PNPLA6: variants seen among roughly 807,000 people sequenced by gnomAD.
PNPLA6 encodes the protein patatin like domain 6, lysophospholipase.
PNPLA6 carries 105 observed loss-of-function variants against 153.7 expected under a neutral mutation model. The observed-to-expected ratio is 0.68, with a 90% CI of 0.58 to 0.80. The LOEUF (loss-of-function observed/expected upper bound fraction) is 0.80, where lower values mean the gene tolerates loss of function less well. Among genes scored for constraint, PNPLA6 ranks in the 30% least tolerant of loss-of-function variants. The pLI is 0.00. For synonymous variants in PNPLA6, 825 were observed against 822.2 expected (o/e 1.00, Z -0.06); for missense variants, 1,423 against 1,919.3 (o/e 0.74, Z 4.83).
Position 7,541,727 on chromosome 19 carries a change from A to T in PNPLA6, c.1168+43A>T. On this transcript the variant is annotated intron_variant, in intron 9 of 31. Coordinates refer to ENST00000600737, the MANE Select transcript of PNPLA6 (RefSeq NM_001166114.2). This position sits in a 1 kb window ranked among gnomAD's most constrained non-coding sequence, Gnocchi z 5.2. The stretch of plus-strand genomic sequence containing the variant: ...GCCAGCCGAGCCCAATCTCCCAGGA[A>T]GCCCCGTCTCAGCCGCCAGCCCCTT... The T allele has an allele frequency of 6.5e-7, 1 of 1,544,110 alleles. No individual in the cohort carries two copies. The highest frequency in any genetic ancestry group is 8.7e-7 in the Non-Finnish European group (1 of 1,147,698).
At position 7,553,785 on chromosome 19, in the gene PNPLA6, TAAGGAGGAAGAGGAAGAA is replaced by T; in HGVS notation, c.2261-89_2261-72del. On this transcript the variant is annotated intron_variant, in intron 18 of 31. Coordinates refer to ENST00000600737, the MANE Select transcript of PNPLA6 (RefSeq NM_001166114.2). ...GGAGCACAGGAGCAAGAATTTCAGATAAGGAGGAAGAGGAAGAAGAGGAGGAGGAGGGTTCATCTCTCT... is the reference window on the plus strand; with the variant it reads ...GGAGCACAGGAGCAAGAATTTCAGATGAGGAGGAGGAGGGTTCATCTCTCT... 3 of 1,542,336 alleles carry T rather than the reference TAAGGAGGAAGAGGAAGAA, an allele frequency of 1.9e-6. 1 individual carries two copies. The South Asian group carries it at 3.4e-5, about 17-fold the overall frequency.
rs560309764 is a variant in PNPLA6, at chr19:7,555,732, G to C, written c.3062G>C (p.Arg1021Pro). 1 of 1,613,744 alleles carries C rather than the reference G, an allele frequency of 6.2e-7. No individual in the cohort carries two copies. The highest frequency in any genetic ancestry group is 1.3e-5 in the African/African-American group (1 of 75,034). Reference sequence around the variant, plus strand: ...TACGCGGAGGAGCGCAGCGCCAGCCGCACGAAGCAGCGGGCCCGGGAGTGG... The same window carrying C: ...TACGCGGAGGAGCGCAGCGCCAGCCCCACGAAGCAGCGGGCCCGGGAGTGG... ...ALYAEERSAS[R>P]TKQRAREWAK... The change falls in exon 24 of 32, where the codon CGC becomes CCC. Residue 1021 changes from arginine to proline, a missense_variant. Physicochemically the swap from Arg to Pro is moderately radical, Grantham distance 103. Coordinates refer to ENST00000600737, the MANE Select transcript of PNPLA6 (RefSeq NM_001166114.2). The surrounding 1 kb of genome is among the most constrained non-coding windows in gnomAD (Gnocchi z 6.3).
chr19:7,551,197 G>T (rs1235189613), intron 17 of PNPLA6, 90 bp downstream of exon 17: 4 of 987,078 alleles, frequency 4.1e-6, no homozygotes, highest in East Asian at 2.6e-5. Context: ...GGCTTACAGA[G>T]GGGCGGGGTC....
chr19:7,556,053 C>CTTTT (rs33951220), intron 24 of PNPLA6, among the ~76,000 whole-genome samples: 1 of 60,316 alleles, frequency 1.7e-5, no homozygotes, highest in African/African-American at 6.7e-5. Flanking sequence ...CTAAGTGTTC[C>CTTTT]TTTTTTTTTT....
chr19:7,554,050 G>C (rs10424680), intron 19 of PNPLA6, 35 bp downstream of exon 19: 2 of 1,603,752 alleles, frequency 1.2e-6, no homozygotes, highest in Non-Finnish European at 1.7e-6. Context: ...GGGGGCTGGC[G>C]GTGGGTGGGA....
intron 17 of PNPLA6, 66 bp downstream of exon 17, chr19:7,551,173 T>A: frequency 9.6e-7 from 1 of 1,039,342 alleles, no homozygotes; most frequent in East Asian, 2.7e-5. Flanking sequence ...GGGCCGGGCC[T>A]AGTGTGTGGG....
intron 16 of PNPLA6, 40 bp downstream of exon 16, chr19:7,550,680 A>C: frequency 6.2e-7 from 1 of 1,606,718 alleles, no homozygotes; most frequent in Non-Finnish European, 8.5e-7. Context: ...GGCCTTTTCC[A>C]GGCCAGTCCC....
At chr19:7,549,428 C>T (rs1328303254) in intron 13 of PNPLA6, among the ~76,000 whole-genome samples, 4 of 151,424 alleles carry the variant, frequency 2.6e-5, no homozygotes, top group Admixed American at 6.6e-5. Flanking sequence ...CCTCTTGATC[C>T]GCCTGCCTCG....
Position 7,558,848 on chromosome 19 carries a change from A to G in PNPLA6, c.3398-2A>G. On this transcript the variant is annotated splice_acceptor_variant, in intron 27 of 31. Transcript: ENST00000600737. LOFTEE classifies it high-confidence loss of function. Reference sequence around the variant, plus strand: ...AGCCCGCTGACCCCCCTGGCCCCACAGCGGACATCGCCCGCAGCATGGGTG... The same window carrying G: ...AGCCCGCTGACCCCCCTGGCCCCACGGCGGACATCGCCCGCAGCATGGGTG... The G allele has an allele frequency of 6.2e-7, 1 of 1,605,676 alleles. No homozygotes were observed. Among genetic ancestry groups the G allele is most frequent in the Non-Finnish European group, 8.5e-7 (1 of 1,179,264 alleles).
chr19:7,548,204 G>C (rs1699400895), intron 13 of PNPLA6, among the ~76,000 whole-genome samples: 1 of 151,760 alleles, frequency 6.6e-6, no homozygotes, highest in Non-Finnish European at 1.5e-5. Context: ...AATTAGCCAG[G>C]CGTGTGGCAG....
Position 7,542,088 on chromosome 19 carries a change from G to A in PNPLA6, c.1252+21G>A, listed in dbSNP as rs190069404. Reference sequence around the variant, plus strand: ...CTCAGGTTTGGAGCACTGGGTCTGCGGGGAGGGCCATGGAGCTTCCAGGTT... The same window carrying A: ...CTCAGGTTTGGAGCACTGGGTCTGCAGGGAGGGCCATGGAGCTTCCAGGTT... On this transcript the variant is annotated intron_variant, in intron 10 of 31. Transcript: ENST00000600737. The A allele has an allele frequency of 1.2e-5, 19 of 1,593,216 alleles. No homozygotes were observed. In the African/African-American group the frequency reaches 1.2e-4, roughly 10 times the overall value.
chr19:7,541,473 G>A lies in PNPLA6; in HGVS notation c.1005+39G>A, dbSNP rs896711902. 3 of 1,612,374 alleles carry A rather than the reference G, an allele frequency of 1.9e-6. No individual in the cohort carries two copies. In the Admixed American group the frequency reaches 5.0e-5, roughly 27 times the overall value. On this transcript the variant is annotated intron_variant, in intron 8 of 31. Transcript: ENST00000600737. The surrounding 1 kb of genome is among the most constrained non-coding windows in gnomAD (Gnocchi z 5.2). ...GGGGAGCGAGCACAGGGGGGATGGG[G>A]GCGAGGTCTCCCTCCCAGGACAGGC...
In PNPLA6 at chr19:7,540,870, G is replaced by C; in HGVS notation, c.796-53G>C. The C allele has an allele frequency of 6.2e-7, 1 of 1,611,540 alleles. No homozygotes were observed. The highest frequency in any genetic ancestry group is 1.1e-5 in the South Asian group (1 of 91,030). On this transcript the variant is annotated intron_variant, in intron 6 of 31. Transcript: ENST00000600737. The surrounding 1 kb of genome is among the most constrained non-coding windows in gnomAD (Gnocchi z 6.8). ...CCAGGAAGGATTAGGGGAGTAGCGA[G>C]GGGGACTCGCAGCCTCTGCCCTTGT...
upstream of PNPLA6, chr19:7,535,683 G>T: frequency 1.3e-6 from 2 of 1,530,000 alleles, no homozygotes; most frequent in Non-Finnish European, 8.8e-7. The surrounding 1 kb of genome is among the most constrained non-coding windows in gnomAD (Gnocchi z 5.0). Flanking sequence ...ATAACGCGCT[G>T]CGTCCGCTCG....
intron 13 of PNPLA6, among the ~76,000 whole-genome samples, chr19:7,548,104 G>C (rs907207420): frequency 6.6e-6 from 1 of 151,794 alleles, no homozygotes; most frequent in African/African-American, 2.4e-5. Context: ...CCAGCACTTT[G>C]AGAGGCCAAG....
rs376106276 is a variant in PNPLA6, at chr19:7,541,070, C to T, written c.924+19C>T. The T allele has an allele frequency of 1.9e-6, 3 of 1,604,082 alleles. No homozygotes were observed. The highest frequency in any genetic ancestry group is 2.5e-6 in the Non-Finnish European group (3 of 1,176,698). The stretch of plus-strand genomic sequence containing the variant: ...CGTGCAGGTCAGTGGGCCTTCGCCT[C>T]CTGTCACCCCCTGAGGGACCCCACC... On this transcript the variant is annotated intron_variant, in intron 7 of 31. Coordinates refer to ENST00000600737, the MANE Select transcript of PNPLA6 (RefSeq NM_001166114.2). The surrounding 1 kb of genome is among the most constrained non-coding windows in gnomAD (Gnocchi z 5.2).
At chr19:7,554,417 ATC>A in intron 20 of PNPLA6, 136 bp from the exon 21 acceptor site, 1 of 1,250,866 alleles carries the variant, frequency 8.0e-7, no homozygotes, top group Non-Finnish European at 1.2e-6. Context: ...AGTGGTGTGA[ATC>A]TGCCCACCGG....
At chr19:7,553,574 G>A (rs1030035767) in intron 18 of PNPLA6, among the ~76,000 whole-genome samples, 2 of 152,244 alleles carry the variant, frequency 1.3e-5, no homozygotes, top group Non-Finnish European at 2.9e-5. Context: ...CCCAAGCACA[G>A]TGAATCTGAA....
intron 20 of PNPLA6, 59 bp from the exon 21 acceptor site, chr19:7,554,496 C>T (rs2023784344): frequency 3.2e-6 from 5 of 1,584,886 alleles, no homozygotes; most frequent in Middle Eastern, 1.7e-4. Flanking sequence ...TATGTGGTCT[C>T]GGGGAGCACA....
Sources: allele counts gnomAD v4.1 joint callset (sites outside exome capture counted in the v4.1 genomes callset), GRCh38; gene constraint gnomAD v4.1.1; non-coding constraint Gnocchi (gnomAD v3.1); transcripts MANE v1.5; gene names NCBI Gene and HGNC (gene_info 2026-07-23, HGNC 2026-07-21).